The following SHLD1 variants were observed in gnomAD, a reference collection of about 807,000 sequenced individuals.
SHLD1 encodes the protein RINN1-REV7-interacting novel NHEJ regulator 3.
A neutral mutation model predicts 5.5 loss-of-function variants in SHLD1; 3 were observed. The ratio of observed to expected loss-of-function variants is 0.54; its 90% CI spans 0.25 to 1.40. The LOEUF (loss-of-function observed/expected upper bound fraction) is 1.40. Among genes scored for constraint, SHLD1 ranks in the 40% most tolerant of loss-of-function variants. The pLI, the probability that SHLD1 is intolerant of heterozygous loss-of-function variation, is 0.15. For synonymous variants in SHLD1, 92 were observed against 94.3 expected, an observed-to-expected ratio of 0.98 and a Z score of 0.14; for missense variants, 210 against 244.4, an observed-to-expected ratio of 0.86 and a Z score of 0.94.
At chr20:5,818,292 T>A (rs2087563885) in intron 2 of SHLD1, among the ~76,000 whole-genome samples, 1 of 152,088 alleles carries the variant, frequency 6.6e-6, no homozygotes, top group South Asian at 2.1e-4. Flanking sequence ...GCCAGGCTGC[T>A]CTAGAACACC....
At chr20:5,773,354 G>T in intron 2 of SHLD1, 1 of 537,972 alleles carries the variant, frequency 1.9e-6, no homozygotes, top group East Asian at 2.9e-5. Flanking sequence ...AAGAGAGAGT[G>T]GAATTTTTTT....
At chr20:5,774,646 AG>A (rs939098255) in intron 2 of SHLD1, among the ~76,000 whole-genome samples, 2 of 152,090 alleles carry the variant, frequency 1.3e-5, no homozygotes, top group Admixed American at 6.6e-5. Flanking sequence ...GAAGAAAGAG[AG>A]GGGGAAGGTG....
At chr20:5,778,283 G>GTT (rs377277543) in intron 2 of SHLD1, among the ~76,000 whole-genome samples, 127 of 129,946 alleles carry the variant, frequency 9.8e-4, no homozygotes, top group Non-Finnish European at 1.8e-3. Context: ...TGCCTGGCTA[G>GTT]TTTTTTTTTT....
chr20:5,833,834 T>C (rs2087759311), intron 2 of SHLD1, among the ~76,000 whole-genome samples: 1 of 152,100 alleles, frequency 6.6e-6, no homozygotes. Context: ...GCGGAATAGT[T>C]GTCCAGAAAA....
chr20:5,761,903 C>T (rs1004214719), intron 1 of SHLD1, among the ~76,000 whole-genome samples: 19 of 152,038 alleles, frequency 1.2e-4, no homozygotes, highest in Middle Eastern at 3.4e-3. Flanking sequence ...CCACTGCACC[C>T]GGCCTCATGT....
intron 2 of SHLD1, among the ~76,000 whole-genome samples, chr20:5,829,987 AC>A (rs1288858947): frequency 6.6e-6 from 1 of 152,192 alleles, no homozygotes; most frequent in East Asian, 1.9e-4. Flanking sequence ...CAGATTTGGT[AC>A]AGATCTGGTA....
intron 2 of SHLD1, among the ~76,000 whole-genome samples, chr20:5,852,467 T>G (rs1027644889): frequency 2.6e-5 from 4 of 151,964 alleles, no homozygotes; most frequent in African/African-American, 9.7e-5. Context: ...TGTCTTTCTT[T>G]CTTTCTTTTG....
chr20:5,796,807 C>T (rs1485232091), intron 2 of SHLD1, among the ~76,000 whole-genome samples: 1 of 135,778 alleles, frequency 7.4e-6, no homozygotes, highest in African/African-American at 2.8e-5. Context: ...CCAGCCTGGA[C>T]AACAGGACAA....
intron 2 of SHLD1, among the ~76,000 whole-genome samples, chr20:5,802,710 G>A (rs148379671): frequency 1.4e-4 from 22 of 152,054 alleles, no homozygotes; most frequent in African/African-American, 4.8e-4. Flanking sequence ...GCAGTGGCGT[G>A]ATCATGGCTC....
chr20:5,754,796 C>T (rs1461907997), intron 1 of SHLD1, among the ~76,000 whole-genome samples: 1 of 152,184 alleles, frequency 6.6e-6, no homozygotes, highest in East Asian at 1.9e-4. Context: ...TGGCTCACGC[C>T]TGTAATGCCA....
intron 2 of SHLD1, among the ~76,000 whole-genome samples, chr20:5,819,285 C>T (rs771990521): frequency 3.3e-5 from 5 of 152,186 alleles, no homozygotes; most frequent in African/African-American, 4.8e-5. Flanking sequence ...CCTGAGGGTC[C>T]GTGACAACTG....
intron 2 of SHLD1, among the ~76,000 whole-genome samples, chr20:5,784,411 GATA>G (rs1199024524): frequency 4.2e-4 from 64 of 151,558 alleles, no homozygotes; most frequent in Non-Finnish European, 3.1e-4. Context: ...CACTGGAGAG[GATA>G]ATAATAGAAT....
intron 2 of SHLD1, among the ~76,000 whole-genome samples, chr20:5,822,774 G>A (rs1468488937): frequency 6.6e-6 from 1 of 151,570 alleles, no homozygotes; most frequent in Non-Finnish European, 1.5e-5. Flanking sequence ...CTCTTGACTG[G>A]CTCATTCTTG....
At chr20:5,810,887 C>A (rs1473622762) in intron 2 of SHLD1, among the ~76,000 whole-genome samples, 381 of 120,630 alleles carry the variant, frequency 3.2e-3, no homozygotes, top group South Asian at 3.7e-3. Flanking sequence ...GACTCTGTCT[C>A]AAAAAAAAAA....
intron 2 of SHLD1, among the ~76,000 whole-genome samples, chr20:5,839,628 A>G (rs78092349): frequency 0.015 from 2,331 of 152,310 alleles, 30 homozygotes; most frequent in Non-Finnish European, 0.025. Context: ...TTTAGTCTCA[A>G]GCTCCCTAGA....
At chr20:5,796,778 A>G (rs2087218476) in intron 2 of SHLD1, among the ~76,000 whole-genome samples, 2 of 151,380 alleles carry the variant, frequency 1.3e-5, no homozygotes, top group South Asian at 4.2e-4. Context: ...GCAGTGAGCC[A>G]TAATTGCACC....
chr20:5,820,644 C>T (rs1282517238), intron 2 of SHLD1, among the ~76,000 whole-genome samples: 2 of 152,226 alleles, frequency 1.3e-5, no homozygotes, highest in Non-Finnish European at 2.9e-5. Flanking sequence ...TTGTGAAAGA[C>T]CAGGCAAAGT....
At chr20:5,762,971 CAAAA>C (rs561487362) in intron 1 of SHLD1, among the ~76,000 whole-genome samples, 4 of 102,712 alleles carry the variant, frequency 3.9e-5, no homozygotes, top group East Asian at 3.0e-4. Context: ...GACTCCGTCT[CAAAA>C]AAAAAAAAAA....
chr20:5,795,480 T>C lies in SHLD1; in HGVS notation c.178+22437T>C, dbSNP rs1009177711. On this transcript the variant is annotated intron_variant, in intron 2 of 2. Coordinates refer to ENST00000303142, the MANE Select transcript of SHLD1 (RefSeq NM_152504.4). ...TGGATGTGGTGGCACGTGCCTGTAA[T>C]CCCAGCTACTTGGGAGGCTGAGGCA... Among the ~76,000 whole-genome samples, 4 of 151,268 alleles carry C rather than the reference T, an allele frequency of 2.6e-5. No homozygotes were observed. The South Asian group carries it at 6.2e-4, about 24-fold the overall frequency.
Sources: gnomAD v4.1 joint callset for allele counts (sites outside exome capture counted in the v4.1 genomes callset) on GRCh38, gnomAD v4.1.1 for gene constraint, MANE v1.5 for transcripts, NCBI Gene and HGNC (gene_info 2026-07-23, HGNC 2026-07-21) for gene names.